Variants in GBP3 observed in about 807,000 individuals in gnomAD.
GBP3 encodes guanylate-binding protein 3.
A neutral mutation model predicts 62.4 loss-of-function variants in GBP3; 55 were observed. That is an observed-to-expected ratio of 0.88 (90% CI 0.71 to 1.10). The LOEUF (loss-of-function observed/expected upper bound fraction) is 1.10. GBP3 is among the 50% of genes least tolerant of loss of function. The pLI, the probability that GBP3 is intolerant of heterozygous loss-of-function variation, is 0.00. For synonymous variants in GBP3, 208 were observed against 259.2 expected, an observed-to-expected ratio of 0.80 and a Z score of 1.90; for missense variants, 605 against 690.6, an observed-to-expected ratio of 0.88 and a Z score of 1.39.
intron 5 of GBP3, 73 bp downstream of exon 5, chr1:89,014,010 T>A (rs1408553205): frequency 1.4e-6 from 2 of 1,466,500 alleles, no homozygotes; most frequent in African/African-American, 1.4e-5. Flanking sequence ...GAGAAAACTA[T>A]CAATAGTAAA....
chr1:89,015,159 G>A, intron 3 of GBP3, 128 bp downstream of exon 3: 3 of 942,560 alleles, frequency 3.2e-6, no homozygotes, highest in Non-Finnish European at 4.7e-6. Context: ...TTGGCCTTAT[G>A]ACATGTACAC....
At chr1:89,012,176 T>G in intron 6 of GBP3, 149 bp from the exon 7 acceptor site, 2 of 857,882 alleles carry the variant, frequency 2.3e-6, no homozygotes, top group South Asian at 3.6e-5. Flanking sequence ...TGCCTATTGT[T>G]AGCCTCTGTC....
In GBP3 at chr1:89,007,753, T is replaced by G. The variant is rs769070733; in HGVS notation, c.1759A>C (p.Arg587=). The change falls in exon 11 of 11, where the codon AGA becomes CGA. Residue 587 remains arginine, a synonymous_variant. Coordinates refer to ENST00000370481, the MANE Select transcript of GBP3 (RefSeq NM_018284.3). ...LQKTLKKKTK[R]YMSHKLKI is the part of the protein sequence containing the mutation. ...ATCTTTAGCTTATGCGACATATATC[T>G]CTTGGTTTTTTTTTTCAGGGTCTTC... is the stretch of plus-strand genomic sequence containing the variant. 6.2e-7 allele frequency: 1 copy of G among 1,613,420 alleles called. No homozygotes were observed. The highest frequency in any genetic ancestry group is 8.5e-7 in the Non-Finnish European group (1 of 1,179,694).
intron 2 of GBP3, among the ~76,000 whole-genome samples, chr1:89,016,451 G>A (rs1678893394): frequency 6.6e-6 from 1 of 152,198 alleles, no homozygotes; most frequent in Non-Finnish European, 1.5e-5. Flanking sequence ...CCCAGGAGGT[G>A]GAGGTTGCAG....
Position 89,010,052 on chromosome 1 carries a change from C to T in GBP3, c.1363-558G>A, listed in dbSNP as rs539358333. On this transcript the variant is annotated intron_variant, in intron 8 of 10. Transcript: ENST00000370481. ...CCAGCTGTAATGATCATGACAACAA[C>T]GTGGTGGTTAATCTGATAATTGAAT... Among the ~76,000 whole-genome samples the T allele has an allele frequency of 7.2e-5, 11 of 152,092 alleles. No homozygotes were observed. The South Asian group carries it at 8.3e-4, about 11-fold the overall frequency.
At position 89,021,544 on chromosome 1, in the gene GBP3, A is replaced by ACACACACACCCCCCCCC. The variant is rs761151308; in HGVS notation, c.-22-802_-22-801insGGGGGGGGGTGTGTGTG. On this transcript the variant is annotated intron_variant, in intron 1 of 10. Coordinates refer to ENST00000370481, the MANE Select transcript of GBP3 (RefSeq NM_018284.3). ...CACACACACACACACACACACACAC[A>ACACACACACCCCCCCCC]CCCCAAAAAAACCAAACCAAACAAA... 2.8e-5 allele frequency among the ~76,000 whole-genome samples: 4 copies of ACACACACACCCCCCCCC among 141,050 alleles called. No homozygotes were observed. In the East Asian group the frequency reaches 8.5e-4, roughly 30 times the overall value. 92.5% of individuals were successfully genotyped at this position (141,050 alleles called of 152,430 possible). A position where few individuals can be genotyped will look rare whatever the true frequency, so the allele number is the denominator to read the frequency against.
chr1:89,018,647 C>A (rs368749302), intron 2 of GBP3, among the ~76,000 whole-genome samples: 1 of 152,076 alleles, frequency 6.6e-6, no homozygotes, highest in African/African-American at 2.4e-5. Flanking sequence ...ATTGTAAATT[C>A]TTATCTCTGT....
Position 89,007,492 on chromosome 1 carries a change from T to C in GBP3, c.*232A>G, listed in dbSNP as rs1409150. On this transcript the variant is annotated 3_prime_UTR_variant, in exon 11 of 11. Transcript: ENST00000370481. ...TCTGGAAGAATAAACTTCTGAGTGG[T>C]GGCAACTCATGATCCCTCCTCTGTT... 0.49 allele frequency: 177,941 copies of C among 366,370 alleles called. 46,385 individuals are homozygous for C. The highest frequency in any genetic ancestry group is 0.76 in the African/African-American group (35,744 of 47,144). The allele number at this position is 366,370 out of a possible 1,614,324, so 22.7% of individuals were successfully genotyped here.
chr1:89,017,252 A>G (rs1678932688), intron 2 of GBP3, among the ~76,000 whole-genome samples: 1 of 152,080 alleles, frequency 6.6e-6, no homozygotes, highest in Non-Finnish European at 1.5e-5. Flanking sequence ...AAATCATTCA[A>G]CGCAGAAAGA....
At chr1:89,018,079 A>C (rs1678983984) in intron 2 of GBP3, among the ~76,000 whole-genome samples, 1 of 123,132 alleles carries the variant, frequency 8.1e-6, no homozygotes, top group Non-Finnish European at 1.6e-5. Flanking sequence ...ACTGTGTCTC[A>C]AAAAAAAAAA....
chr1:89,008,915 A>T (rs532483814), intron 10 of GBP3, 32 bp downstream of exon 10: 1 of 1,613,732 alleles, frequency 6.2e-7, no homozygotes, highest in Admixed American at 1.7e-5. Flanking sequence ...AGAAAACAGA[A>T]AAACGAACCA....
chr1:89,022,627 C>T (rs2101178234), intron 1 of GBP3, 57 bp downstream of exon 1: 1 of 152,356 alleles, frequency 6.6e-6, no homozygotes. Context: ...GTTATAGGCT[C>T]CACGTCCCTG....
In GBP3 at chr1:89,020,581, G is replaced by A; in HGVS notation, c.141C>T (p.Tyr47=). ...TCATCAGGTAGGATTTTCCTGTGCG[G>A]TAGAGGCCCACAATTGCCACCACCA... ...PVVVVAIVGL[Y]RTGKSYLMNK... The change falls in exon 2 of 11, where the codon TAC becomes TAT. Residue 47 remains tyrosine, a synonymous_variant. Coordinates refer to ENST00000370481, the MANE Select transcript of GBP3 (RefSeq NM_018284.3). The A allele has an allele frequency of 6.2e-7, 1 of 1,614,132 alleles. No individual in the cohort carries two copies. The highest frequency in any genetic ancestry group is 8.5e-7 in the Non-Finnish European group (1 of 1,180,014).
intron 2 of GBP3, among the ~76,000 whole-genome samples, chr1:89,016,458 G>T (rs1678893875): frequency 6.6e-6 from 1 of 152,212 alleles, no homozygotes; most frequent in African/African-American, 2.4e-5. Context: ...GGTGGAGGTT[G>T]CAGTGAGCCG....
At chr1:89,020,892 AG>A in intron 1 of GBP3, 149 bp from the exon 2 acceptor site, 1 of 635,932 alleles carries the variant, frequency 1.6e-6, no homozygotes, top group Non-Finnish European at 2.7e-6. Context: ...AAATTATGGA[AG>A]TATTATCATC....
intron 4 of GBP3, 120 bp downstream of exon 4, chr1:89,014,427 G>C (rs1678768906): frequency 1.2e-6 from 2 of 1,600,854 alleles, no homozygotes; most frequent in Admixed American, 3.5e-5. Flanking sequence ...CTCTGTACTT[G>C]CATTATTTTT....
chr1:89,009,578 C>T (rs1678443006), intron 8 of GBP3, 84 bp from the exon 9 acceptor site: 1 of 1,579,526 alleles, frequency 6.3e-7, no homozygotes. Context: ...ATCTTTTCTT[C>T]TGAGAATTCT....
Position 89,014,530 on chromosome 1 carries a change from G to A in GBP3, c.428+17C>T. ...TCCCCTCTGACCTTGGTGCTGTTCTGGGTCACAAAAGGATACTACAGTTGG... is the reference window on the plus strand; with the variant it reads ...TCCCCTCTGACCTTGGTGCTGTTCTAGGTCACAAAAGGATACTACAGTTGG... On this transcript the variant is annotated intron_variant, in intron 4 of 10. Transcript: ENST00000370481. 1.2e-6 allele frequency: 2 copies of A among 1,613,990 alleles called. No individual in the cohort carries two copies. The highest frequency in any genetic ancestry group is 1.7e-6 in the Non-Finnish European group (2 of 1,179,950).
Position 89,008,971 on chromosome 1 carries a change from C to T in GBP3, c.1635G>A (p.Glu545=). ...RERAQLLEEQ[E]KTLTSKLQEQ... Reference sequence around the variant, plus strand: ...CCTGAAGTTTACTAGTGAGGGTCTTCTCTTGCTCTTCCAGCAACTGGGCCC... The same window carrying T: ...CCTGAAGTTTACTAGTGAGGGTCTTTTCTTGCTCTTCCAGCAACTGGGCCC... Residue 545 remains glutamate (E), a synonymous_variant, in exon 10 of 11, where the codon GAG becomes GAA. Transcript: ENST00000370481. 6.2e-7 allele frequency: 1 copy of T among 1,614,184 alleles called. No homozygotes were observed. The highest frequency in any genetic ancestry group is 2.2e-5 in the East Asian group (1 of 44,886).
Sources: gnomAD v4.1 joint callset for allele counts (sites outside exome capture counted in the v4.1 genomes callset) on GRCh38, gnomAD v4.1.1 for gene constraint, MANE v1.5 for transcripts, NCBI Gene and HGNC (gene_info 2026-07-23, HGNC 2026-07-21) for gene names.